NOL4: variants seen among roughly 807,000 people sequenced by gnomAD.
NOL4 encodes the protein nucleolar protein 4.
A neutral mutation model predicts 75.9 loss-of-function variants in NOL4; 17 were observed. That is an observed-to-expected ratio of 0.22 (90% CI 0.15 to 0.34). NOL4 has a LOEUF of 0.34. NOL4 is among the 10% of genes least tolerant of loss of function. The pLI, the probability that NOL4 is intolerant of heterozygous loss-of-function variation, is 1.00. For missense variants in NOL4, 614 were observed against 793.5 expected, an observed-to-expected ratio of 0.77 and a Z score of 2.72; for synonymous variants, 292 against 289.9, an observed-to-expected ratio of 1.01 and a Z score of -0.07.
chr18:34,131,712 A>T (rs1176251712), intron 1 of NOL4, among the ~76,000 whole-genome samples: 1 of 152,158 alleles, frequency 6.6e-6, no homozygotes, highest in Non-Finnish European at 1.5e-5. Context: ...TCATTTATCT[A>T]GCTAAATACT....
chr18:34,068,388 A>T (rs1046281519), intron 5 of NOL4, among the ~76,000 whole-genome samples: 9 of 151,980 alleles, frequency 5.9e-5, no homozygotes, highest in Non-Finnish European at 1.0e-4. Context: ...TTTTTTTAAA[A>T]TTTTTTAATT....
intron 9 of NOL4, among the ~76,000 whole-genome samples, chr18:33,901,671 G>A (rs1375967686): frequency 1.3e-5 from 2 of 151,896 alleles, no homozygotes; most frequent in African/African-American, 4.8e-5. Flanking sequence ...GATTATTCAG[G>A]ATTTCTTGCC....
chr18:33,952,541 C>T (rs570227995), intron 8 of NOL4, among the ~76,000 whole-genome samples: 2 of 152,296 alleles, frequency 1.3e-5, no homozygotes, highest in South Asian at 2.1e-4. Flanking sequence ...AGAAACACCA[C>T]ACTTGTACAG....
intron 5 of NOL4, among the ~76,000 whole-genome samples, chr18:34,052,229 A>G (rs139960302): frequency 6.6e-6 from 1 of 152,010 alleles, no homozygotes; most frequent in Non-Finnish European, 1.5e-5. Flanking sequence ...ACAATGCTCA[A>G]AAATATTCCT....
intron 9 of NOL4, among the ~76,000 whole-genome samples, chr18:33,929,694 C>T (rs919895801): frequency 1.3e-5 from 2 of 152,216 alleles, no homozygotes; most frequent in South Asian, 4.1e-4. Flanking sequence ...TGTTTTGTAG[C>T]TTCTTTACTG....
chr18:33,981,403 G>C (rs115952310), intron 6 of NOL4, among the ~76,000 whole-genome samples: 2,123 of 151,476 alleles, frequency 0.014, 50 homozygotes, highest in African/African-American at 0.048. Flanking sequence ...TCAAACTACA[G>C]AAAATTAATG....
chr18:33,877,875 G>A (rs1471889727), intron 10 of NOL4, among the ~76,000 whole-genome samples: 2 of 151,410 alleles, frequency 1.3e-5, no homozygotes, highest in African/African-American at 4.9e-5. Context: ...TGCTTCAGAG[G>A]TTAAATTGAG....
intron 9 of NOL4, among the ~76,000 whole-genome samples, chr18:33,918,176 T>C (rs2066837204): frequency 6.6e-6 from 1 of 152,206 alleles, no homozygotes; most frequent in East Asian, 1.9e-4. Context: ...AAATGAGTAC[T>C]GATAGATTCA....
intron 5 of NOL4, among the ~76,000 whole-genome samples, chr18:34,045,838 A>C (rs1328853531): frequency 2.0e-5 from 3 of 152,176 alleles, no homozygotes; most frequent in Non-Finnish European, 4.4e-5. Context: ...TGATTTTTAA[A>C]AGCAAATACA....
chr18:34,067,735 C>T (rs11081840), intron 5 of NOL4, among the ~76,000 whole-genome samples: 62,270 of 151,854 alleles, frequency 0.41, 12,937 homozygotes, highest in South Asian at 0.53. Flanking sequence ...AAGGAAAGGA[C>T]TGCAGGTGGA....
chr18:34,059,074 A>C (rs1401831885), intron 5 of NOL4, among the ~76,000 whole-genome samples: 1 of 147,522 alleles, frequency 6.8e-6, no homozygotes, highest in African/African-American at 2.5e-5. Flanking sequence ...TTATCATGAC[A>C]AAAAATGTTA....
intron 1 of NOL4, among the ~76,000 whole-genome samples, chr18:34,219,398 A>G (rs2037141047): frequency 1.3e-5 from 2 of 152,234 alleles, no homozygotes; most frequent in South Asian, 4.1e-4. Context: ...AGGACTTTTT[A>G]AAAAGAGCGT....
At chr18:34,123,450 G>C (rs1156722198) in intron 2 of NOL4, among the ~76,000 whole-genome samples, 2 of 149,628 alleles carry the variant, frequency 1.3e-5, no homozygotes, top group African/African-American at 4.9e-5. Flanking sequence ...GTGTGTATGT[G>C]TGTAACTGAT....
At chr18:33,856,767 T>C (rs754292759) in intron 10 of NOL4, among the ~76,000 whole-genome samples, 1 of 152,106 alleles carries the variant, frequency 6.6e-6, no homozygotes, top group Non-Finnish European at 1.5e-5. Flanking sequence ...ATTAATAATA[T>C]GCAGGTACTT....
chr18:33,942,422 A>G (rs2068552685), intron 9 of NOL4, among the ~76,000 whole-genome samples: 1 of 151,952 alleles, frequency 6.6e-6, no homozygotes, highest in Non-Finnish European at 1.5e-5. Context: ...AACCCAAGGG[A>G]AAGACTGAGG....
chr18:34,106,193 G>C (rs904375947), intron 2 of NOL4, among the ~76,000 whole-genome samples: 8 of 152,006 alleles, frequency 5.3e-5, no homozygotes, highest in Non-Finnish European at 7.4e-5. Flanking sequence ...TAAAAATGAG[G>C]GGAAATGTGC....
chr18:34,011,208 T>A (rs1356451427), intron 6 of NOL4, among the ~76,000 whole-genome samples: 1 of 151,722 alleles, frequency 6.6e-6, no homozygotes, highest in East Asian at 1.9e-4. Flanking sequence ...ACCTTATGAA[T>A]ATGTATGCCT....
chr18:34,036,575 C>A (rs1264576329), intron 5 of NOL4, among the ~76,000 whole-genome samples: 1 of 152,144 alleles, frequency 6.6e-6, no homozygotes, highest in Non-Finnish European at 1.5e-5. Context: ...TTTCATCATT[C>A]CTATTCAACA....
intron 9 of NOL4, among the ~76,000 whole-genome samples, chr18:33,906,583 T>A (rs2066059393): frequency 6.6e-6 from 1 of 152,254 alleles, no homozygotes; most frequent in Non-Finnish European, 1.5e-5. Flanking sequence ...AAGTTTCTCA[T>A]AATTAATGGG....
Sources: gnomAD v4.1 joint callset for allele counts (sites outside exome capture counted in the v4.1 genomes callset) on GRCh38, gnomAD v4.1.1 for gene constraint, MANE v1.5 for transcripts, NCBI Gene and HGNC (gene_info 2026-07-23, HGNC 2026-07-21) for gene names.